RAC2: variants seen among roughly 807,000 people sequenced by gnomAD.
RAC2 encodes Rac family small GTPase 2.
Under a neutral mutation model 24.0 loss-of-function variants are expected in RAC2, and 1 was observed. That is an observed-to-expected ratio of 0.04 (90% CI 0.01 to 0.20). RAC2 has a LOEUF of 0.20. RAC2 is among the 10% of genes least tolerant of loss of function. The pLI, the probability that RAC2 is intolerant of heterozygous loss-of-function variation, is 1.00. For synonymous variants in RAC2, 114 were observed against 106.8 expected (o/e 1.07, Z -0.41); for missense variants, 130 against 259.1 (o/e 0.50, Z 3.42).
intron 5 of RAC2, among the ~76,000 whole-genome samples, chr22:37,230,273 G>A (rs905810709): frequency 3.7e-4 from 56 of 151,660 alleles, no homozygotes; most frequent in Non-Finnish European, 6.8e-4. Flanking sequence ...GAGGTGGGGC[G>A]GGGCTGGGGC....
At chr22:37,239,275 C>A (rs2145829676) in intron 2 of RAC2, among the ~76,000 whole-genome samples, 1 of 152,230 alleles carries the variant, frequency 6.6e-6, no homozygotes, top group East Asian at 1.9e-4. Flanking sequence ...AGTACAGGGC[C>A]CATGCTCAAA....
At chr22:37,238,087 T>G (rs1927288011) in intron 2 of RAC2, among the ~76,000 whole-genome samples, 1 of 149,576 alleles carries the variant, frequency 6.7e-6, no homozygotes, top group Admixed American at 6.7e-5. Context: ...GTACTTGGAG[T>G]GAAGTGGGTA....
At chr22:37,229,199 G>A (rs1217998409) in intron 5 of RAC2, among the ~76,000 whole-genome samples, 2 of 152,132 alleles carry the variant, frequency 1.3e-5, no homozygotes, top group Non-Finnish European at 2.9e-5. Context: ...CCCCCTCTCC[G>A]GGCCTCAGTC....
intron 3 of RAC2, chr22:37,232,287 A>C (rs891874897): frequency 1.9e-6 from 1 of 516,196 alleles, no homozygotes; most frequent in Non-Finnish European, 3.5e-6. Context: ...TGAGGCTTCC[A>C]GAGGTTAAAG....
rs1212588018 is a variant in RAC2 at position 37,231,919 on chromosome 22, C to A, written c.288+13G>T. On this transcript the variant is annotated intron_variant, in intron 4 of 6. Coordinates refer to ENST00000249071, the MANE Select transcript of RAC2 (RefSeq NM_002872.5). The surrounding 1 kb of genome is among the most constrained non-coding windows in gnomAD (Gnocchi z 5.5). ...TGCCCCAGAGCCCCCAAGGCCCACC[C>A]TGTCCAGCTCACCTTGGCGCGGACG... The A allele has an allele frequency of 6.4e-7, 1 of 1,551,532 alleles. No homozygotes were observed. The highest frequency in any genetic ancestry group is 2.4e-5 in the East Asian group (1 of 40,920).
At chr22:37,240,276 A>AG (rs951521736) in intron 2 of RAC2, among the ~76,000 whole-genome samples, 1 of 152,144 alleles carries the variant, frequency 6.6e-6, no homozygotes, top group Admixed American at 6.5e-5. Context: ...TGCCCCTGAA[A>AG]GGGGGGTTCA....
At chr22:37,238,308 C>T (rs769368584) in intron 2 of RAC2, among the ~76,000 whole-genome samples, 3 of 152,114 alleles carry the variant, frequency 2.0e-5, no homozygotes, top group Admixed American at 6.5e-5. Flanking sequence ...ACAATCACAG[C>T]TCAATGCAGC....
intron 3 of RAC2, 35 bp from the exon 4 acceptor site, chr22:37,232,029 G>A: frequency 6.5e-7 from 1 of 1,549,236 alleles, no homozygotes; most frequent in Non-Finnish European, 8.7e-7. Flanking sequence ...CTAGTGAGGA[G>A]GGCCCAGAGG....
At chr22:37,233,322 GC>G (rs1376001617) in intron 2 of RAC2, among the ~76,000 whole-genome samples, 17 of 152,070 alleles carry the variant, frequency 1.1e-4, no homozygotes, top group African/African-American at 4.1e-4. Flanking sequence ...ACGCTCTGTC[GC>G]CCAGGCTGGA....
At position 37,244,225 on chromosome 22, in the gene RAC2, G is replaced by A; in HGVS notation, c.-77C>T. On this transcript the variant is annotated 5_prime_UTR_variant, in exon 1 of 7. Coordinates refer to ENST00000249071, the MANE Select transcript of RAC2 (RefSeq NM_002872.5). Reference sequence around the variant, plus strand: ...TTTCTGCGGGCGCAAGGGGTGTGGAGGCTGGTGAGGCGCCTGCTGAGGAGC... The same window carrying A: ...TTTCTGCGGGCGCAAGGGGTGTGGAAGCTGGTGAGGCGCCTGCTGAGGAGC... 3 of 1,536,454 alleles carry A rather than the reference G, an allele frequency of 2.0e-6. No homozygotes were observed. In the South Asian group the frequency reaches 3.4e-5, roughly 18 times the overall value.
Position 37,231,828 on chromosome 22 carries a change from C to A in RAC2, c.288+104G>T. ...TGGCACTGGGGACCCTCTCTGTATG[C>A]GACCTCTGCTGCCCCAGGGACCAGC... is the stretch of plus-strand genomic sequence containing the variant. On this transcript the variant is annotated intron_variant, in intron 4 of 6. Transcript: ENST00000249071. The surrounding 1 kb of genome is among the most constrained non-coding windows in gnomAD (Gnocchi z 5.5). 2.2e-6 allele frequency: 3 copies of A among 1,346,212 alleles called. No individual in the cohort carries two copies. Among genetic ancestry groups the A allele is most frequent in the East Asian group, 2.5e-5 (1 of 39,906 alleles). The allele number at this position is 1,346,212 out of a possible 1,614,324, so 83.4% of individuals were successfully genotyped here. A position where few individuals can be genotyped will look rare whatever the true frequency, so the allele number is the denominator to read the frequency against.
At chr22:37,244,022 G>T in intron 1 of RAC2, 92 bp downstream of exon 1, 3 of 1,549,334 alleles carry the variant, frequency 1.9e-6, no homozygotes, top group South Asian at 1.1e-5. Flanking sequence ...GCCTAGTTCT[G>T]CAGGGCCAGG....
intron 2 of RAC2, chr22:37,240,689 T>C (rs1370256310): frequency 6.3e-6 from 2 of 318,152 alleles, no homozygotes; most frequent in South Asian, 4.3e-5. Flanking sequence ...CACAGGCTCA[T>C]AGTCATGGGA....
intron 2 of RAC2, among the ~76,000 whole-genome samples, chr22:37,237,681 C>T (rs1927271721): frequency 6.6e-6 from 1 of 152,198 alleles, no homozygotes. Context: ...AGCACACATT[C>T]TTCCATGCAG....
chr22:37,233,474 G>C lies in RAC2; in HGVS notation c.108-556C>G, dbSNP rs74850957. ...ATTTTTGTATTTTTAGTAGAAACAGGGTTTCACCATGTTGACCAGGCTGGT... is the reference window on the plus strand; with the variant it reads ...ATTTTTGTATTTTTAGTAGAAACAGCGTTTCACCATGTTGACCAGGCTGGT... On this transcript the variant is annotated intron_variant, in intron 2 of 6. Coordinates refer to ENST00000249071, the MANE Select transcript of RAC2 (RefSeq NM_002872.5). 3.0e-4 allele frequency among the ~76,000 whole-genome samples: 45 copies of C among 152,240 alleles called. No individual in the cohort carries two copies. The East Asian group carries it at 8.3e-3, about 28-fold the overall frequency.
At chr22:37,230,276 G>A (rs1927018109) in intron 5 of RAC2, among the ~76,000 whole-genome samples, 1 of 150,412 alleles carries the variant, frequency 6.6e-6, no homozygotes, top group South Asian at 2.1e-4. Flanking sequence ...GTGGGGCGGG[G>A]CTGGGGCGGT....
chr22:37,235,691 A>C (rs1927202675), intron 2 of RAC2, among the ~76,000 whole-genome samples: 1 of 152,222 alleles, frequency 6.6e-6, no homozygotes, highest in Non-Finnish European at 1.5e-5. Context: ...ATGATGGGAA[A>C]AGCCACACCT....
chr22:37,226,818 G>A lies in RAC2; in HGVS notation c.449-15C>T, dbSNP rs769695039. On this transcript the variant is annotated splice_polypyrimidine_tract_variant and intron_variant, in intron 5 of 6. Coordinates refer to ENST00000249071, the MANE Select transcript of RAC2 (RefSeq NM_002872.5). ...TTTCACCGAGTCTGGTTGGGGAGAT[G>A]GACAGGAGAGCCAAGGCCTAAGTGG... The A allele has an allele frequency of 1.4e-5, 23 of 1,610,890 alleles. No homozygotes were observed. The Admixed American group carries it at 3.7e-4, about 26-fold the overall frequency.
At position 37,239,995 on chromosome 22, in the gene RAC2, G is replaced by A. The variant is rs73881652; in HGVS notation, c.107+1592C>T. 5.5e-3 allele frequency among the ~76,000 whole-genome samples: 839 copies of A among 152,322 alleles called. 2 individuals are homozygous for A. The highest frequency in any genetic ancestry group is 0.019 in the African/African-American group (807 of 41,568). The stretch of plus-strand genomic sequence containing the variant: ...AGGGGCACTCACCAGCATCAGGACC[G>A]AGCTGGGGCAAAAGCGGCTTTCTAG... On this transcript the variant is annotated intron_variant, in intron 2 of 6. Transcript: ENST00000249071.
Sources: allele counts gnomAD v4.1 joint callset (sites outside exome capture counted in the v4.1 genomes callset), GRCh38; gene constraint gnomAD v4.1.1; non-coding constraint Gnocchi (gnomAD v3.1); transcripts MANE v1.5; gene names NCBI Gene and HGNC (gene_info 2026-07-23, HGNC 2026-07-21).